R3HDM1: variants seen among roughly 807,000 people sequenced by gnomAD.
R3HDM1 encodes the protein R3H domain containing 1, also known as R3H domain-containing protein 1.
A neutral mutation model predicts 141.1 loss-of-function variants in R3HDM1; 46 were observed. The observed-to-expected ratio is 0.33, with a 90% CI of 0.26 to 0.42. The LOEUF is 0.42. R3HDM1 is among the 10% of genes least tolerant of loss of function. The pLI is 1.00. For synonymous variants in R3HDM1, 435 were observed against 472.9 expected, an observed-to-expected ratio of 0.92 and a Z score of 1.04; for missense variants, 1,184 against 1,368.3, an observed-to-expected ratio of 0.87 and a Z score of 2.12.
chr2:135,578,940 T>C (rs1262151983), intron 1 of R3HDM1, among the ~76,000 whole-genome samples: 2 of 152,218 alleles, frequency 1.3e-5, no homozygotes, highest in Non-Finnish European at 2.9e-5. Flanking sequence ...GTTTTTAATA[T>C]ATATGTATAT....
intron 21 of R3HDM1, among the ~76,000 whole-genome samples, chr2:135,695,056 G>T (rs1455218333): frequency 6.6e-6 from 1 of 152,012 alleles, no homozygotes; most frequent in Non-Finnish European, 1.5e-5. Flanking sequence ...CCTGTTGCCC[G>T]CCCCCCAAAA....
chr2:135,581,514 T>A, intron 1 of R3HDM1: 1 of 534,364 alleles, frequency 1.9e-6, no homozygotes, highest in Non-Finnish European at 2.4e-6. Context: ...CCTCACCACT[T>A]ATTAATAGTA....
chr2:135,722,103 C>T, intron 25 of R3HDM1, 97 bp downstream of exon 25: 1 of 1,163,316 alleles, frequency 8.6e-7, no homozygotes, highest in Non-Finnish European at 1.3e-6. Flanking sequence ...TGGCACTGCC[C>T]AAGAAGAGCT....
At chr2:135,628,415 A>G (rs2062271262) in intron 7 of R3HDM1, among the ~76,000 whole-genome samples, 1 of 152,192 alleles carries the variant, frequency 6.6e-6, no homozygotes, top group Non-Finnish European at 1.5e-5. Flanking sequence ...GTACGTCTTA[A>G]GGGGAGAGAA....
intron 1 of R3HDM1, chr2:135,561,408 A>T: frequency 1.1e-6 from 1 of 881,326 alleles, no homozygotes; most frequent in Non-Finnish European, 1.4e-6. Context: ...TAAAATAGCA[A>T]ATGACATTTT....
Position 135,621,558 on chromosome 2 carries a change from C to T in R3HDM1, c.368C>T (p.Ala123Val), listed in dbSNP as rs1216651650. The change falls in exon 6 of 27, where the codon GCA becomes GTA. Residue 123 changes from alanine to valine, a missense_variant. Ala to Val is a moderately conservative substitution (Grantham distance 64). Coordinates refer to ENST00000683871, the MANE Select transcript of R3HDM1 (RefSeq NM_001378107.1). ...GAAGAGAAGCCCTCAAAAGATGAAG[C>T]AGAAAAAGAAAAGGCCAGTGATAAG... is the stretch of plus-strand genomic sequence containing the variant. ...EKEEKPSKDEAEKEKASDKLP... is the reference protein window; with the variant it reads ...EKEEKPSKDEVEKEKASDKLP... 4 of 1,594,796 alleles carry T rather than the reference C, an allele frequency of 2.5e-6. 1 individual carries two copies. In the South Asian group the frequency reaches 4.6e-5, roughly 18 times the overall value.
At chr2:135,706,375 TTTTG>T (rs1168551915) in intron 21 of R3HDM1, among the ~76,000 whole-genome samples, 2 of 143,934 alleles carry the variant, frequency 1.4e-5, no homozygotes, top group Non-Finnish European at 3.0e-5. Flanking sequence ...TTGTTTTTGT[TTTTG>T]TTTTTGTTTT....
In R3HDM1 at chr2:135,626,209, G is replaced by GCTTGCTTGCT. The variant is rs1553576640; in HGVS notation, c.497+3477_497+3478insCTTGCTTGCT. Among the ~76,000 whole-genome samples the GCTTGCTTGCT allele has an allele frequency of 4.8e-3, 683 of 143,374 alleles. 7 individuals carry two copies. Among genetic ancestry groups the GCTTGCTTGCT allele is most frequent in the African/African-American group, 0.019 (664 of 34,136 alleles). The allele number at this position is 143,374 out of a possible 152,430, so 94.1% of individuals were successfully genotyped here. The stretch of plus-strand genomic sequence containing the variant: ...CGTGCGTGCGTGCGTGCGTGCGTGC[G>GCTTGCTTGCT]TGCTTGCTTGCTTGCTTGCTTGCTT... On this transcript the variant is annotated intron_variant, in intron 7 of 26. Coordinates refer to ENST00000683871, the MANE Select transcript of R3HDM1 (RefSeq NM_001378107.1).
At chr2:135,661,576 A>G (rs1440863736) in intron 19 of R3HDM1, among the ~76,000 whole-genome samples, 183 bp downstream of exon 19, 1 of 152,210 alleles carries the variant, frequency 6.6e-6, no homozygotes, top group Non-Finnish European at 1.5e-5. Flanking sequence ...GGAAAATACC[A>G]CAGTGTCACG....
intron 24 of R3HDM1, among the ~76,000 whole-genome samples, chr2:135,718,070 C>A (rs1015747668): frequency 6.6e-6 from 1 of 151,876 alleles, no homozygotes; most frequent in Non-Finnish European, 1.5e-5. Context: ...CGACGTTAAC[C>A]AAAAAATAAG....
chr2:135,721,633 T>C (rs1196353851), intron 24 of R3HDM1: 1 of 238,450 alleles, frequency 4.2e-6, no homozygotes, highest in Non-Finnish European at 8.4e-6. Context: ...CGTCACCCAG[T>C]CTGGAATATA....
Position 135,710,147 on chromosome 2 carries a change from G to A in R3HDM1, c.2652G>A (p.Pro884=), listed in dbSNP as rs147882808. 3.3e-4 allele frequency: 540 copies of A among 1,613,936 alleles called. 3 individuals carry two copies. The Middle Eastern group carries it at 4.1e-3, about 12-fold the overall frequency. The change falls in exon 23 of 27, where the codon CCG becomes CCA. Residue 884 remains proline (P), a synonymous_variant. Transcript: ENST00000683871. ...CACAATCTTGTGCCCACTCACCCCC[G>A]CAGTGGAAACAAAACAAATATTACT... ...NNPQSCAHSP[P]QWKQNKYYCD...
intron 1 of R3HDM1, among the ~76,000 whole-genome samples, chr2:135,552,876 T>C (rs1163915026): frequency 6.6e-6 from 1 of 152,130 alleles, no homozygotes. Flanking sequence ...GTTGTTAACA[T>C]TGCTTTTTTT....
rs1574248602 is a variant in R3HDM1 at position 135,602,395 on chromosome 2, T to G, written c.-249-105T>G. The G allele has an allele frequency of 8.8e-6, 7 of 793,956 alleles. No individual in the cohort carries two copies. The East Asian group carries it at 2.4e-4, about 27-fold the overall frequency. 49.2% of individuals were successfully genotyped at this position (793,956 alleles called of 1,614,324 possible). ...CTGACTTTCGTTTAGGAAAATAATG[T>G]AATAAAACAACTGACAGTAATATTT... is the stretch of plus-strand genomic sequence containing the variant. On this transcript the variant is annotated intron_variant, in intron 1 of 26. Transcript: ENST00000683871.
chr2:135,622,022 T>A, intron 6 of R3HDM1: 1 of 984,396 alleles, frequency 1.0e-6, no homozygotes. Context: ...GTTTGGAGGG[T>A]CTTCACTATT....
chr2:135,605,694 TA>T (rs1559223332), intron 3 of R3HDM1: 1 of 151,174 alleles, frequency 6.6e-6, no homozygotes, highest in Non-Finnish European at 1.5e-5. Context: ...TATTTTATTT[TA>T]TTTTTTTGAG....
At chr2:135,592,715 T>G (rs1480855958) in intron 1 of R3HDM1, among the ~76,000 whole-genome samples, 7 of 151,974 alleles carry the variant, frequency 4.6e-5, no homozygotes, top group Admixed American at 3.3e-4. Flanking sequence ...AATACCAGTT[T>G]GGGTTTTTTT....
At position 135,656,352 on chromosome 2, in the gene R3HDM1, A is replaced by G. The variant is rs79393713; in HGVS notation, c.2028+4320A>G. On this transcript the variant is annotated intron_variant, in intron 18 of 26. Transcript: ENST00000683871. ...TGTCATTAGACCCTTTAAATTTAATATATTTTTGACATGGTATGCCATGTC... is the reference window on the plus strand; with the variant it reads ...TGTCATTAGACCCTTTAAATTTAATGTATTTTTGACATGGTATGCCATGTC... 7 of 152,044 alleles carry G rather than the reference A, an allele frequency of 4.6e-5. No homozygotes were observed. In the East Asian group the frequency reaches 7.7e-4, roughly 17 times the overall value. 9.4% of individuals were successfully genotyped at this position (152,044 alleles called of 1,614,324 possible). A position where few individuals can be genotyped will look rare whatever the true frequency, so the allele number is the denominator to read the frequency against.
At chr2:135,634,456 T>C (rs182735281) in intron 9 of R3HDM1, among the ~76,000 whole-genome samples, 4 of 152,080 alleles carry the variant, frequency 2.6e-5, no homozygotes, top group Non-Finnish European at 5.9e-5. Context: ...GCCTGGCCAA[T>C]ATGATGAAAC....
Sources: gnomAD v4.1 joint callset for allele counts (sites outside exome capture counted in the v4.1 genomes callset) on GRCh38, gnomAD v4.1.1 for gene constraint, MANE v1.5 for transcripts, NCBI Gene and HGNC (gene_info 2026-07-23, HGNC 2026-07-21) for gene names.